The following PCDHGA1 variants were observed in gnomAD, a reference collection of about 807,000 sequenced individuals.
PCDHGA1 encodes protocadherin gamma subfamily A, 1.
In PCDHGA1, 32 loss-of-function variants were observed where a neutral mutation model predicts 58.0. The ratio of observed to expected loss-of-function variants is 0.55; its 90% CI spans 0.42 to 0.74. The LOEUF is 0.74. Among genes scored for constraint, PCDHGA1 ranks in the 30% least tolerant of loss-of-function variants. The pLI is 0.00. For synonymous variants in PCDHGA1, 498 were observed against 501.1 expected (o/e 0.99, Z 0.08); for missense variants, 1,205 against 1,182.3 (o/e 1.02, Z -0.28).
chr5:141,392,305 GT>G (rs148037308), intron 1 of PCDHGA1: 5,240 of 152,054 alleles, frequency 0.034, 107 homozygotes, highest in Middle Eastern at 0.088. Flanking sequence ...AAAGTATCAT[GT>G]TTTTTTTAAG....
intron 1 of PCDHGA1, among the ~76,000 whole-genome samples, chr5:141,450,233 G>A (rs2098674391): frequency 6.6e-6 from 1 of 152,026 alleles, no homozygotes; most frequent in Non-Finnish European, 1.5e-5. Flanking sequence ...GGCCAGGCTA[G>A]TCTTGAACTC....
intron 1 of PCDHGA1, among the ~76,000 whole-genome samples, chr5:141,402,680 TATA>T (rs1441272447): frequency 2.4e-4 from 36 of 152,348 alleles, no homozygotes; most frequent in African/African-American, 7.9e-4. Context: ...AGCCATCTGA[TATA>T]ATGTTACACA....
At position 141,484,465 on chromosome 5, in the gene PCDHGA1, A is replaced by G. The variant is rs2099596840; in HGVS notation, c.2422-10342A>G. On this transcript the variant is annotated intron_variant, in intron 1 of 3. Coordinates refer to ENST00000517417, the MANE Select transcript of PCDHGA1 (RefSeq NM_018912.3). ...ATTTAATTGGCTACGTTAATGTGTA[A>G]GCCTTTTCTGCAAAGAGATGGATCC... is the stretch of plus-strand genomic sequence containing the variant. Among the ~76,000 whole-genome samples, 4 of 152,236 alleles carry G rather than the reference A, an allele frequency of 2.6e-5. No individual in the cohort carries two copies. In the South Asian group the frequency reaches 6.2e-4, roughly 24 times the overall value.
Position 141,443,643 on chromosome 5 carries a change from A to C in PCDHGA1, c.2422-51164A>C, listed in dbSNP as rs188777289. The stretch of plus-strand genomic sequence containing the variant: ...GTGATTGTAAAAATTGATCCAGATA[A>C]TGTTAGCATAGCATTTTACTGAACT... On this transcript the variant is annotated intron_variant, in intron 1 of 3. Coordinates refer to ENST00000517417, the MANE Select transcript of PCDHGA1 (RefSeq NM_018912.3). Among the ~76,000 whole-genome samples, 238 of 152,370 alleles carry C rather than the reference A, an allele frequency of 1.6e-3. 2 individuals are homozygous for C. The highest frequency in any genetic ancestry group is 2.5e-3 in the Non-Finnish European group (169 of 68,028).
At chr5:141,383,007 G>A (rs1047921009) in intron 1 of PCDHGA1, 1 of 1,613,748 alleles carries the variant, frequency 6.2e-7, no homozygotes, top group Non-Finnish European at 8.5e-7. Flanking sequence ...ACTCCGTGTC[G>A]GAGGAGACGG....
chr5:141,403,875 A>G (rs1311532081), intron 1 of PCDHGA1: 1 of 1,613,816 alleles, frequency 6.2e-7, no homozygotes, highest in South Asian at 1.1e-5. Context: ...AAAAGTCTAG[A>G]TTATGAAGAA....
Position 141,431,560 on chromosome 5 carries a change from C to G in PCDHGA1, c.2422-63247C>G, listed in dbSNP as rs751276470. The G allele has an allele frequency of 6.2e-7, 1 of 1,613,986 alleles. No individual in the cohort carries two copies. The highest frequency in any genetic ancestry group is 1.7e-5 in the Admixed American group (1 of 60,016). On this transcript the variant is annotated intron_variant, in intron 1 of 3. Transcript: ENST00000517417. This position sits in a 1 kb window ranked among gnomAD's most constrained non-coding sequence, Gnocchi z 4.8. Reference sequence around the variant, plus strand: ...CGCAGCTGCTTGTAGTCAACGCTACCGACCCTGACGAAGGAGTCAATGCGG... The same window carrying G: ...CGCAGCTGCTTGTAGTCAACGCTACGGACCCTGACGAAGGAGTCAATGCGG...
chr5:141,497,840 C>T (rs1326804289), intron 2 of PCDHGA1, among the ~76,000 whole-genome samples: 1 of 152,154 alleles, frequency 6.6e-6, no homozygotes, highest in Non-Finnish European at 1.5e-5. Context: ...CCGGCCACAA[C>T]AAACATTTTT....
chr5:141,485,587 G>C lies in PCDHGA1; in HGVS notation c.2422-9220G>C. 6.2e-7 allele frequency: 1 copy of C among 1,612,652 alleles called. No individual in the cohort carries two copies. The highest frequency in any genetic ancestry group is 1.7e-5 in the Admixed American group (1 of 59,982). On this transcript the variant is annotated intron_variant, in intron 1 of 3. Coordinates refer to ENST00000517417, the MANE Select transcript of PCDHGA1 (RefSeq NM_018912.3). This position sits in a 1 kb window ranked among gnomAD's most constrained non-coding sequence, Gnocchi z 5.7. ...CCCCCCGTTTTCCGCGGCAGCAGCT[G>C]GACTTGGAAATTGGGGAGGCAGCTC... is the stretch of plus-strand genomic sequence containing the variant.
intron 1 of PCDHGA1, among the ~76,000 whole-genome samples, chr5:141,381,361 G>T (rs1050283609): frequency 2.0e-5 from 3 of 152,198 alleles, no homozygotes; most frequent in Non-Finnish European, 4.4e-5. Context: ...CTAGCAGAGG[G>T]TAGCCTCGGA....
intron 1 of PCDHGA1, chr5:141,400,280 CCG>C (rs769084717): frequency 1.2e-5 from 19 of 1,613,948 alleles, no homozygotes; most frequent in Non-Finnish European, 1.4e-5. Context: ...TCCAGCCCTG[CCG>C]CCTGGAGCTG....
intron 1 of PCDHGA1, among the ~76,000 whole-genome samples, chr5:141,449,310 A>G (rs1006876700): frequency 4.6e-5 from 7 of 152,112 alleles, no homozygotes; most frequent in Non-Finnish European, 7.4e-5. Context: ...TATGTATTAT[A>G]TAATTGTATC....
intron 1 of PCDHGA1, among the ~76,000 whole-genome samples, chr5:141,463,844 G>A (rs545618795): frequency 1.3e-5 from 2 of 152,258 alleles, no homozygotes; most frequent in East Asian, 3.9e-4. Context: ...AGTTGTTATA[G>A]TGGTATATCT....
At chr5:141,343,999 A>G (rs1757348427) in intron 1 of PCDHGA1, 5 of 1,494,008 alleles carry the variant, frequency 3.3e-6, no homozygotes, top group Non-Finnish European at 4.5e-6. Flanking sequence ...GGAAACTGGA[A>G]CCGAATTCAG....
intron 1 of PCDHGA1, chr5:141,400,586 A>G (rs963844263): frequency 6.2e-7 from 1 of 1,607,730 alleles, no homozygotes; most frequent in Non-Finnish European, 8.5e-7. Context: ...TTTACATGAA[A>G]CTATCGTACA....
chr5:141,391,000 T>C (rs2092286539), intron 1 of PCDHGA1: 1 of 152,230 alleles, frequency 6.6e-6, no homozygotes, highest in Admixed American at 6.5e-5. Flanking sequence ...TTCAAGCTCA[T>C]TCTATATCCT....
rs750564390 is a variant in PCDHGA1, at chr5:141,494,823, C to T, written c.2438C>T (p.Thr813Met). Residue 813 changes from threonine to methionine, a missense_variant, in exon 2 of 4, where the codon ACG becomes ATG. Physicochemically the swap from Thr to Met is moderately conservative, Grantham distance 81. Coordinates refer to ENST00000517417, the MANE Select transcript of PCDHGA1 (RefSeq NM_018912.3). Reference sequence around the variant, plus strand: ...TCTCCACAGCAAGCCCCGCCCAACACGGACTGGCGTTTCTCTCAGGCCCAG... The same window carrying T: ...TCTCCACAGCAAGCCCCGCCCAACATGGACTGGCGTTTCTCTCAGGCCCAG... ...EPFSQQAPPN[T>M]DWRFSQAQRP... 7 of 1,614,014 alleles carry T rather than the reference C, an allele frequency of 4.3e-6. No individual in the cohort carries two copies. The East Asian group carries it at 8.9e-5, about 21-fold the overall frequency.
intron 1 of PCDHGA1, chr5:141,366,089 C>A (rs1764317908): frequency 1.9e-6 from 3 of 1,614,268 alleles, no homozygotes; most frequent in Non-Finnish European, 2.5e-6. Flanking sequence ...ACCTGGCTAC[C>A]TGGTGACCAA....
At chr5:141,361,195 A>G (rs369211493) in intron 1 of PCDHGA1, 1 of 1,613,692 alleles carries the variant, frequency 6.2e-7, no homozygotes, top group Non-Finnish European at 8.5e-7. Context: ...TTCAGTATCT[A>G]CTCCCCTACC....
Sources: allele counts gnomAD v4.1 joint callset (sites outside exome capture counted in the v4.1 genomes callset), GRCh38; gene constraint gnomAD v4.1.1; non-coding constraint Gnocchi (gnomAD v3.1); transcripts MANE v1.5; gene names NCBI Gene and HGNC (gene_info 2026-07-23, HGNC 2026-07-21).